Variants in PARK7 observed in about 807,000 individuals in gnomAD.
PARK7 encodes the protein Parkinsonism associated deglycase, also known as Parkinson disease protein 7.
A neutral mutation model predicts 20.5 loss-of-function variants in PARK7; 14 were observed. The observed-to-expected ratio is 0.68, with a 90% CI of 0.45 to 1.07. PARK7 has a LOEUF of 1.07. Ranked by LOEUF, PARK7 falls within the 50% of genes least tolerant of loss-of-function variation. The probability of loss-of-function intolerance (pLI) is 0.00; values close to 1 mark genes in which losing one functional copy is unlikely to be tolerated. For missense variants in PARK7, 234 were observed against 238.1 expected (o/e 0.98, Z 0.11); for synonymous variants, 98 against 84.3 (o/e 1.16, Z -0.89).
intron 6 of PARK7, among the ~76,000 whole-genome samples, chr1:7,983,602 A>G (rs962961197): frequency 1.3e-5 from 2 of 152,248 alleles, no homozygotes; most frequent in Non-Finnish European, 1.5e-5. Flanking sequence ...GCCCCGTGAC[A>G]TGGAGTTCAG....
At chr1:7,969,115 C>T in intron 3 of PARK7, 1 of 502,004 alleles carries the variant, frequency 2.0e-6, no homozygotes, top group Non-Finnish European at 3.6e-6. Flanking sequence ...TGCTACTCTG[C>T]AGCGTGGACA....
At chr1:7,980,029 C>T (rs1431587312) in intron 6 of PARK7, among the ~76,000 whole-genome samples, 4 of 151,818 alleles carry the variant, frequency 2.6e-5, no homozygotes, top group African/African-American at 7.3e-5. Flanking sequence ...GGCGTGGTGG[C>T]GGGCACCTGT....
intron 6 of PARK7, among the ~76,000 whole-genome samples, chr1:7,978,984 T>C (rs1640647630): frequency 6.6e-6 from 1 of 152,190 alleles, no homozygotes; most frequent in Non-Finnish European, 1.5e-5. Flanking sequence ...TTAATGTTAA[T>C]ATCTTATGTT....
intron 5 of PARK7, among the ~76,000 whole-genome samples, chr1:7,976,945 C>T (rs1405997124): frequency 1.5e-4 from 23 of 152,154 alleles, no homozygotes; most frequent in Admixed American, 1.5e-3. Context: ...TGGTCTTGAT[C>T]TCCTGACCTC....
intron 6 of PARK7, among the ~76,000 whole-genome samples, chr1:7,978,844 CAAAAAAAA>C (rs368607562): frequency 0.39 from 41,859 of 107,198 alleles, 7,133 homozygotes; most frequent in Non-Finnish European, 0.53. Flanking sequence ...AAGACCCTAT[CAAAAAAAA>C]AAAAAAAAAA....
At chr1:7,965,243 C>CT in intron 2 of PARK7, 81 bp from the exon 3 acceptor site, 1 of 1,354,274 alleles carries the variant, frequency 7.4e-7, no homozygotes, top group Non-Finnish European at 1.1e-6. Flanking sequence ...CCCCATCTCT[C>CT]TTTTTTCTTT....
At chr1:7,971,822 A>G (rs1320860954) in intron 5 of PARK7, 2 of 151,722 alleles carry the variant, frequency 1.3e-5, no homozygotes, top group African/African-American at 4.9e-5. Context: ...AATCCCAGCT[A>G]CTCGGGAGGC....
intron 5 of PARK7, chr1:7,971,178 T>G (rs1250781558): frequency 1.6e-6 from 1 of 612,934 alleles, no homozygotes; most frequent in African/African-American, 1.8e-5. Context: ...CTACATGCTG[T>G]GAAACTTAGT....
rs916319179 is a variant in PARK7 at position 7,965,214 on chromosome 1, C to T, written c.91-110C>T. The T allele has an allele frequency of 3.1e-6, 3 of 958,922 alleles. No individual in the cohort carries two copies. The African/African-American group carries it at 4.8e-5, about 15-fold the overall frequency. 59.4% of individuals were successfully genotyped at this position (958,922 alleles called of 1,614,324 possible). The stretch of plus-strand genomic sequence containing the variant: ...CTATGATTGTGTCACTGCCCTCTAG[C>T]CCAGGTGACAGGGTGAGACCCCATC... On this transcript the variant is annotated intron_variant, in intron 2 of 6. Transcript: ENST00000338639.
At chr1:7,970,761 A>C (rs1030321112) in intron 4 of PARK7, 133 bp from the exon 5 acceptor site, 1 of 824,772 alleles carries the variant, frequency 1.2e-6, no homozygotes, top group Admixed American at 2.0e-5. Flanking sequence ...CCAATGATTT[A>C]GAAATATTGT....
At chr1:7,969,315 T>G (rs1640401087) in intron 3 of PARK7, 30 bp from the exon 4 acceptor site, 11 of 1,568,182 alleles carry the variant, frequency 7.0e-6, no homozygotes, top group Non-Finnish European at 9.6e-6. Flanking sequence ...TGAAATGTTT[T>G]TGTTTTCTTT....
chr1:7,974,138 C>A (rs1209213557), intron 5 of PARK7, among the ~76,000 whole-genome samples: 1 of 148,442 alleles, frequency 6.7e-6, no homozygotes, highest in African/African-American at 2.5e-5. Flanking sequence ...AGTGAGACCC[C>A]CCCACCGACC....
intron 5 of PARK7, among the ~76,000 whole-genome samples, chr1:7,972,316 A>C (rs749029303): frequency 1.6e-4 from 24 of 151,966 alleles, no homozygotes; most frequent in Middle Eastern, 3.2e-3. Context: ...AACAAACAAA[A>C]AATTAGCCAA....
At chr1:7,966,557 G>T (rs1185362194) in intron 3 of PARK7, among the ~76,000 whole-genome samples, 1 of 151,826 alleles carries the variant, frequency 6.6e-6, no homozygotes, top group Non-Finnish European at 1.5e-5. Flanking sequence ...TAAAAGCCAG[G>T]TGTGGTGGTG....
chr1:7,962,115 A>G (rs1640216616), intron 1 of PARK7: 1 of 152,678 alleles, frequency 6.5e-6, no homozygotes, highest in Admixed American at 6.5e-5. Flanking sequence ...AATAGGCTAA[A>G]AAAAATTCGG....
chr1:7,968,641 A>G (rs1239286965), intron 3 of PARK7, among the ~76,000 whole-genome samples: 5 of 151,900 alleles, frequency 3.3e-5, no homozygotes. Flanking sequence ...TCAACCCCCC[A>G]AGTAGATGGG....
At chr1:7,970,388 C>T (rs1640439848) in intron 4 of PARK7, among the ~76,000 whole-genome samples, 1 of 152,154 alleles carries the variant, frequency 6.6e-6, no homozygotes, top group African/African-American at 2.4e-5. Flanking sequence ...GGGGCTAGGG[C>T]TGCCAGCAGG....
In PARK7 at chr1:7,977,670, C is replaced by T. The variant is rs1450981264; in HGVS notation, c.341C>T (p.Ala114Val). The T allele has an allele frequency of 6.8e-6, 11 of 1,613,828 alleles. No homozygotes were observed. The Admixed American group carries it at 1.7e-4, about 24-fold the overall frequency. The change falls in exon 6 of 7, where the codon GCT becomes GTT. Residue 114 changes from alanine to valine, a missense_variant. Physicochemically the swap from Ala to Val is moderately conservative, Grantham distance 64. Transcript: ENST00000338639. ...AICAGPTALL[A>V]HEIGFGSKVT... ...TTCTTAGGTCCTACTGCTCTGTTGGCTCATGAAATAGGTTTTGGAAGTAAA... is the reference window on the plus strand; with the variant it reads ...TTCTTAGGTCCTACTGCTCTGTTGGTTCATGAAATAGGTTTTGGAAGTAAA...
intron 6 of PARK7, among the ~76,000 whole-genome samples, chr1:7,980,543 A>G (rs1413449955): frequency 6.6e-6 from 1 of 152,048 alleles, no homozygotes; most frequent in Non-Finnish European, 1.5e-5. Context: ...GGCTTCACAA[A>G]CAAGGAGAGA....
Sources: gnomAD v4.1 joint callset for allele counts (sites outside exome capture counted in the v4.1 genomes callset) on GRCh38, gnomAD v4.1.1 for gene constraint, MANE v1.5 for transcripts, NCBI Gene and HGNC (gene_info 2026-07-23, HGNC 2026-07-21) for gene names.